TIAM2: variants seen among roughly 807,000 people sequenced by gnomAD.
The protein encoded by TIAM2 is rho guanine nucleotide exchange factor TIAM2.
TIAM2 carries 80 observed loss-of-function variants against 152.9 expected under a neutral mutation model. The ratio of observed to expected loss-of-function variants is 0.52; its 90% CI spans 0.44 to 0.63. The LOEUF (loss-of-function observed/expected upper bound fraction) is 0.63. Among genes scored for constraint, TIAM2 ranks in the 30% least tolerant of loss-of-function variants. The pLI is 0.00. For synonymous variants in TIAM2, 804 were observed against 838.0 expected, an observed-to-expected ratio of 0.96 and a Z score of 0.70; for missense variants, 1,965 against 2,120.1, an observed-to-expected ratio of 0.93 and a Z score of 1.44.
At chr6:155,082,666 C>CAATGAATGAATAAATAAATA (rs1554228916) in intron 1 of TIAM2, among the ~76,000 whole-genome samples, 2 of 141,348 alleles carry the variant, frequency 1.4e-5, no homozygotes, top group South Asian at 4.6e-4. Context: ...AAAAAAACCC[C>CAATGAATGAATAAATAAATA]AATAAATAAA....
intron 1 of TIAM2, among the ~76,000 whole-genome samples, chr6:155,004,340 G>A (rs1778363798): frequency 6.6e-6 from 1 of 152,158 alleles, no homozygotes; most frequent in Middle Eastern, 3.2e-3. Flanking sequence ...TACTCTGTAT[G>A]TAGTAGCCAG....
At chr6:155,126,252 G>A (rs1183145986) in intron 2 of TIAM2, among the ~76,000 whole-genome samples, 1 of 152,190 alleles carries the variant, frequency 6.6e-6, no homozygotes, top group Non-Finnish European at 1.5e-5. Context: ...ACTTATATGC[G>A]GTATCTAGAG....
At chr6:155,076,258 G>A (rs142310862) in intron 1 of TIAM2, among the ~76,000 whole-genome samples, 4 of 152,108 alleles carry the variant, frequency 2.6e-5, no homozygotes, top group South Asian at 2.1e-4. Context: ...CTGACATCTC[G>A]GCTCAAATTA....
intron 1 of TIAM2, among the ~76,000 whole-genome samples, chr6:155,018,313 T>G (rs550125814): frequency 2.7e-5 from 4 of 149,920 alleles, no homozygotes; most frequent in South Asian, 2.2e-4. Flanking sequence ...TTCACTTGCT[T>G]CTTATTTTTT....
At chr6:155,190,564 C>T (rs1269129968) in intron 14 of TIAM2, among the ~76,000 whole-genome samples, 1 of 152,226 alleles carries the variant, frequency 6.6e-6, no homozygotes, top group African/African-American at 2.4e-5. Context: ...GTTAAATAAA[C>T]GTTCCCAGCA....
chr6:155,243,676 G>GC (rs1235588936), intron 16 of TIAM2, among the ~76,000 whole-genome samples: 1 of 151,594 alleles, frequency 6.6e-6, no homozygotes, highest in Non-Finnish European at 1.5e-5. Context: ...GTGAAACCCT[G>GC]CCCCTACTAA....
intron 19 of TIAM2, among the ~76,000 whole-genome samples, chr6:155,246,262 C>T (rs1430220591): frequency 3.3e-5 from 5 of 152,096 alleles, no homozygotes; most frequent in Admixed American, 1.3e-4. Context: ...TTTATCCTGA[C>T]GCCCTTAGTG....
At chr6:155,128,893 A>T (rs2115036343) in intron 3 of TIAM2, among the ~76,000 whole-genome samples, 1 of 152,254 alleles carries the variant, frequency 6.6e-6, no homozygotes, top group South Asian at 2.1e-4. Context: ...AAAATCATTC[A>T]AAGTCTCTCA....
intron 9 of TIAM2, among the ~76,000 whole-genome samples, chr6:155,176,131 G>C (rs1218482354): frequency 6.6e-6 from 1 of 152,226 alleles, no homozygotes; most frequent in Non-Finnish European, 1.5e-5. Context: ...TGGGAGGTCA[G>C]AGAGGGATTA....
At chr6:155,041,385 G>GT (rs34338759) in intron 1 of TIAM2, among the ~76,000 whole-genome samples, 15 of 148,642 alleles carry the variant, frequency 1.0e-4, no homozygotes, top group Admixed American at 3.4e-4. Flanking sequence ...TTCAAACTGT[G>GT]TTTTTCTAAG....
At chr6:155,095,483 G>A (rs928837651) in intron 2 of TIAM2, among the ~76,000 whole-genome samples, 1 of 152,134 alleles carries the variant, frequency 6.6e-6, no homozygotes, top group African/African-American at 2.4e-5. Flanking sequence ...CTGATTAGTG[G>A]AATTTTTAGA....
chr6:155,240,881 G>A (rs1035610452), intron 16 of TIAM2, among the ~76,000 whole-genome samples, 172 bp downstream of exon 16: 1 of 152,220 alleles, frequency 6.6e-6, no homozygotes, highest in Non-Finnish European at 1.5e-5. Flanking sequence ...GAGTGAGAGG[G>A]TGGAAGAGCT....
At chr6:155,094,724 G>GT (rs200208029) in intron 2 of TIAM2, among the ~76,000 whole-genome samples, 15,247 of 135,984 alleles carry the variant, frequency 0.11, 849 homozygotes, top group Admixed American at 0.2. Flanking sequence ...TATATCTATG[G>GT]TTTTTTTTTT....
Position 154,995,741 on chromosome 6 carries a change from T to G in TIAM2, c.-209+249T>G, listed in dbSNP as rs1778201228. Among the ~76,000 whole-genome samples the G allele has an allele frequency of 6.6e-6, 1 of 152,082 alleles. No individual in the cohort carries two copies. ...AGCCTGGCACGGGGGACGAAGCACT[T>G]TCCAGAAGGCTCTGAAACTAGGTCC... On this transcript the variant is annotated intron_variant, in intron 1 of 26. Coordinates refer to ENST00000682666, the MANE Select transcript of TIAM2 (RefSeq NM_012454.4). This position sits in a 1 kb window ranked among gnomAD's most constrained non-coding sequence, Gnocchi z 5.2.
In TIAM2 at chr6:155,183,315, T is replaced by C; in HGVS notation, c.2879T>C (p.Leu960Pro). ...CTTGACCTTAAGCAGATGGAGGCCCTGTTTTCTGAGAAGAGCGTCGGACTC... is the reference window on the plus strand; with the variant it reads ...CTTGACCTTAAGCAGATGGAGGCCCCGTTTTCTGAGAAGAGCGTCGGACTC... ...SDLDLKQMEALFSEKSVGLTL... is the reference protein window; with the variant it reads ...SDLDLKQMEAPFSEKSVGLTL... The change falls in exon 14 of 27, where the codon CTG (leucine) becomes CCG (proline). Residue 960 changes from leucine to proline, a missense_variant. Leu to Pro is a moderately conservative substitution (Grantham distance 98). This residue lies in a region of TIAM2 where 935 missense variants were observed against 980.0 expected (regional missense o/e 0.95). Coordinates refer to ENST00000682666, the MANE Select transcript of TIAM2 (RefSeq NM_012454.4). 1 of 1,614,208 alleles carries C rather than the reference T, an allele frequency of 6.2e-7. No homozygotes were observed. The highest frequency in any genetic ancestry group is 8.5e-7 in the Non-Finnish European group (1 of 1,180,038).
intron 15 of TIAM2, among the ~76,000 whole-genome samples, chr6:155,240,081 A>C (rs1159699918): frequency 1.3e-5 from 2 of 152,124 alleles, no homozygotes; most frequent in Non-Finnish European, 2.9e-5. Context: ...GCCTCTCTTG[A>C]GTCTCTCCGG....
intron 4 of TIAM2, among the ~76,000 whole-genome samples, chr6:155,134,993 C>T (rs140794572): frequency 0.028 from 4,281 of 152,180 alleles, 86 homozygotes; most frequent in Non-Finnish European, 0.043. Context: ...GCGTGAGCCA[C>T]CGAGCCCAGC....
At chr6:155,006,191 C>T (rs1192277528) in intron 1 of TIAM2, among the ~76,000 whole-genome samples, 1 of 152,098 alleles carries the variant, frequency 6.6e-6, no homozygotes, top group African/African-American at 2.4e-5. Context: ...TGATCAGTGA[C>T]CGAGTGCCTA....
chr6:155,165,329 A>G lies in TIAM2; in HGVS notation c.2281A>G (p.Lys761Glu). 4 of 1,614,140 alleles carry G rather than the reference A, an allele frequency of 2.5e-6. No individual in the cohort carries two copies. Among genetic ancestry groups the G allele is most frequent in the Non-Finnish European group, 8.5e-7 (1 of 1,180,012 alleles). The change falls in exon 9 of 27, where the codon AAG (lysine) becomes GAG (glutamate). Residue 761 changes from lysine (K) to glutamate (E), a missense_variant. This residue lies in a region of TIAM2 where 1,025 missense variants were observed against 1,119.4 expected (regional missense o/e 0.92). Coordinates refer to ENST00000682666, the MANE Select transcript of TIAM2 (RefSeq NM_012454.4). Reference sequence around the variant, plus strand: ...GTCACTGACCCAGCGAGGGAGAAACAAGAAGGGAATATTTTCTTCGTTAAA... The same window carrying G: ...GTCACTGACCCAGCGAGGGAGAAACGAGAAGGGAATATTTTCTTCGTTAAA... ...TLSLTQRGRN[K>E]KGIFSSLKGL...
Sources: allele counts gnomAD v4.1 joint callset (sites outside exome capture counted in the v4.1 genomes callset), GRCh38; gene constraint gnomAD v4.1.1; regional missense constraint gnomAD v4.1.1; non-coding constraint Gnocchi (gnomAD v3.1); transcripts MANE v1.5; gene names NCBI Gene and HGNC (gene_info 2026-07-23, HGNC 2026-07-21).